Variants in JAZF1 observed in about 807,000 individuals in gnomAD.
JAZF1 encodes JAZF zinc finger 1.
JAZF1 carries 8 observed loss-of-function variants against 26.4 expected under a neutral mutation model. The observed-to-expected ratio is 0.30, with a 90% CI of 0.18 to 0.55. JAZF1 has a LOEUF of 0.55. Among genes scored for constraint, JAZF1 ranks in the 20% least tolerant of loss-of-function variants. The pLI is 0.94. For missense variants in JAZF1, 199 were observed against 322.0 expected (o/e 0.62, Z 2.92); for synonymous variants, 126 against 122.3 (o/e 1.03, Z -0.20).
chr7:28,092,810 G>A (rs886720839), intron 1 of JAZF1, among the ~76,000 whole-genome samples: 10 of 151,562 alleles, frequency 6.6e-5, no homozygotes, highest in Admixed American at 1.3e-4. Flanking sequence ...GCAGTGAGCC[G>A]TAATTACACA....
chr7:28,151,094 GAT>G (rs148248800), intron 1 of JAZF1, among the ~76,000 whole-genome samples: 23,898 of 76,748 alleles, frequency 0.31, 2,145 homozygotes, highest in South Asian at 0.48. Flanking sequence ...GGGGATTTTC[GAT>G]ATATATATAT....
chr7:28,073,986 A>G (rs1784015646), intron 1 of JAZF1, among the ~76,000 whole-genome samples: 1 of 152,194 alleles, frequency 6.6e-6, no homozygotes, highest in Admixed American at 6.5e-5. Context: ...AGTTAAAAAA[A>G]AAAAAATCAG....
intron 2 of JAZF1, among the ~76,000 whole-genome samples, chr7:27,949,524 GCC>G (rs1487847295): frequency 2.0e-5 from 3 of 152,156 alleles, no homozygotes; most frequent in Non-Finnish European, 2.9e-5. Context: ...TTAAAAGTCT[GCC>G]TCCGGCCAGG....
intron 4 of JAZF1, among the ~76,000 whole-genome samples, chr7:27,835,325 TAAAGCCATAAA>T (rs1286513500): frequency 2.0e-5 from 3 of 152,182 alleles, no homozygotes; most frequent in Non-Finnish European, 2.9e-5. Context: ...CAGAAATTGC[TAAAGCCATAAA>T]AGCCAGTCCA....
At chr7:28,162,425 T>C (rs1783307439) in intron 1 of JAZF1, among the ~76,000 whole-genome samples, 1 of 152,256 alleles carries the variant, frequency 6.6e-6, no homozygotes, top group African/African-American at 2.4e-5. Flanking sequence ...CTACCTTATG[T>C]GAAAGAGAGA....
At chr7:27,872,351 C>A (rs915028948) in intron 3 of JAZF1, among the ~76,000 whole-genome samples, 1 of 152,196 alleles carries the variant, frequency 6.6e-6, no homozygotes, top group African/African-American at 2.4e-5. Context: ...TTATTTATAA[C>A]TGAAAAAGAG....
chr7:27,884,395 G>A (rs1448006012), intron 3 of JAZF1, among the ~76,000 whole-genome samples: 1 of 152,220 alleles, frequency 6.6e-6, no homozygotes, highest in African/African-American at 2.4e-5. Flanking sequence ...CTCCCGTGCT[G>A]GGATAACAGG....
At chr7:27,934,049 G>C (rs1784727062) in intron 2 of JAZF1, among the ~76,000 whole-genome samples, 1 of 152,108 alleles carries the variant, frequency 6.6e-6, no homozygotes, top group Non-Finnish European at 1.5e-5. Flanking sequence ...TTCATTAGCC[G>C]CATGGAAATT....
intron 1 of JAZF1, among the ~76,000 whole-genome samples, chr7:28,131,684 G>C (rs989651187): frequency 8.6e-5 from 13 of 152,034 alleles, no homozygotes; most frequent in Non-Finnish European, 2.9e-5. Context: ...CAAATCTTCA[G>C]GGCTTATCCC....
intron 1 of JAZF1, among the ~76,000 whole-genome samples, chr7:28,159,177 G>A (rs1783239132): frequency 1.3e-5 from 2 of 151,994 alleles, no homozygotes; most frequent in African/African-American, 4.8e-5. Context: ...CTGACATGGA[G>A]AGAGAAAGCC....
At chr7:28,057,369 A>G (rs1315757037) in intron 1 of JAZF1, among the ~76,000 whole-genome samples, 1 of 152,184 alleles carries the variant, frequency 6.6e-6, no homozygotes, top group Non-Finnish European at 1.5e-5. Context: ...CCCTGCAAAC[A>G]AGCCCAAGGC....
At chr7:28,146,183 A>G (rs1783024831) in intron 1 of JAZF1, among the ~76,000 whole-genome samples, 1 of 152,224 alleles carries the variant, frequency 6.6e-6, no homozygotes, top group Non-Finnish European at 1.5e-5. Flanking sequence ...AATTTAAACA[A>G]AGAGTTGGAA....
intron 2 of JAZF1, among the ~76,000 whole-genome samples, chr7:27,988,283 C>T (rs1484109116): frequency 6.6e-6 from 1 of 151,750 alleles, no homozygotes; most frequent in Non-Finnish European, 1.5e-5. Context: ...TAGGTTAGGT[C>T]TATTTTTTAG....
chr7:28,026,879 C>T (rs985152302), intron 1 of JAZF1, among the ~76,000 whole-genome samples: 4 of 152,184 alleles, frequency 2.6e-5, no homozygotes, highest in African/African-American at 7.2e-5. Flanking sequence ...CTTACTGCAC[C>T]GCTTACCTCA....
Position 27,989,637 on chromosome 7 carries a change from G to A in JAZF1, c.188+2272C>T, listed in dbSNP as rs571871697. The stretch of plus-strand genomic sequence containing the variant: ...AAGTGGGCAAAGTGTATGAACAGAC[G>A]CTTCTCAAAAGAAGACATTTATGCA... On this transcript the variant is annotated intron_variant, in intron 2 of 4. Transcript: ENST00000283928. 4.2e-3 allele frequency among the ~76,000 whole-genome samples: 645 copies of A among 152,252 alleles called. 5 individuals are homozygous for A. The highest frequency in any genetic ancestry group is 0.015 in the African/African-American group (625 of 41,524).
chr7:28,117,024 A>G (rs942374287), intron 1 of JAZF1, among the ~76,000 whole-genome samples: 4 of 152,114 alleles, frequency 2.6e-5, no homozygotes, highest in Admixed American at 6.5e-5. Flanking sequence ...GGGTTTCACC[A>G]TGTTGTCCAG....
At chr7:27,964,186 C>T (rs1253877391) in intron 2 of JAZF1, among the ~76,000 whole-genome samples, 1 of 152,108 alleles carries the variant, frequency 6.6e-6, no homozygotes, top group Admixed American at 6.6e-5. Flanking sequence ...AGCATTGTAA[C>T]ATCTGTATCC....
At chr7:27,992,100 T>TA (rs1483283896) in intron 1 of JAZF1, 119 bp from the exon 2 acceptor site, 1 of 736,728 alleles carries the variant, frequency 1.4e-6, no homozygotes, top group South Asian at 1.4e-5. Context: ...CACCACTTTT[T>TA]AAAGAAAACT....
chr7:28,158,184 C>CAGAG (rs769527451), intron 1 of JAZF1, among the ~76,000 whole-genome samples: 7,891 of 105,038 alleles, frequency 0.075, 600 homozygotes, highest in African/African-American at 0.23. Context: ...CACACACACA[C>CAGAG]ACAGAGAGAG....
Sources: allele counts gnomAD v4.1 joint callset (sites outside exome capture counted in the v4.1 genomes callset), GRCh38; gene constraint gnomAD v4.1.1; transcripts MANE v1.5; gene names NCBI Gene and HGNC (gene_info 2026-07-23, HGNC 2026-07-21).